Variants in RAB30 observed in about 807,000 individuals in gnomAD.
RAB30 encodes RAB30, member RAS oncogene family, also known as ras-related protein Rab-30.
RAB30 carries 9 observed loss-of-function variants against 25.1 expected under a neutral mutation model. The observed-to-expected ratio is 0.36, with a 90% confidence interval of 0.22 to 0.63. The LOEUF (loss-of-function observed/expected upper bound fraction) is 0.63. RAB30 is among the 20% of genes least tolerant of loss of function. RAB30 has a pLI of 0.69. For synonymous variants in RAB30, 77 were observed against 86.4 expected (o/e 0.89, Z 0.60); for missense variants, 140 against 243.5 (o/e 0.58, Z 2.83).
At chr11:82,986,367 G>T (rs12284549) in intron 4 of RAB30, among the ~76,000 whole-genome samples, 5,238 of 152,198 alleles carry the variant, frequency 0.034, 260 homozygotes, top group African/African-American at 0.11. Context: ...GTAAAATTGT[G>T]TTTTAAGCCA....
chr11:83,055,512 G>A (rs146223605), intron 1 of RAB30, among the ~76,000 whole-genome samples: 1 of 152,208 alleles, frequency 6.6e-6, no homozygotes, highest in South Asian at 2.1e-4. Context: ...TGCGCAGCCA[G>A]ATCTACCCTG....
At chr11:83,064,789 T>C (rs1858657714) in intron 1 of RAB30, among the ~76,000 whole-genome samples, 1 of 152,152 alleles carries the variant, frequency 6.6e-6, no homozygotes, top group South Asian at 2.1e-4. Context: ...ACAAATGGAA[T>C]CATTATCACA....
chr11:82,993,956 T>G, intron 3 of RAB30, 83 bp downstream of exon 3: 1 of 1,105,428 alleles, frequency 9.0e-7, no homozygotes, highest in South Asian at 1.5e-5. Context: ...AATTAGGAGA[T>G]TTAATAAATG....
chr11:83,024,524 C>T (rs1349587125), intron 1 of RAB30, among the ~76,000 whole-genome samples: 1 of 152,104 alleles, frequency 6.6e-6, no homozygotes, highest in East Asian at 1.9e-4. Context: ...ATAACATGTA[C>T]AAAAAATGTA....
At position 83,052,753 on chromosome 11, in the gene RAB30, T is replaced by C. The variant is rs145543348; in HGVS notation, c.-9+18938A>G. On this transcript the variant is annotated intron_variant, in intron 1 of 4. Transcript: ENST00000527633. Reference sequence around the variant, plus strand: ...ACAAGGTCTCTCAGAACTGCAAAGATAGAATCTGGAGCAAATGAGCTGAAG... The same window carrying C: ...ACAAGGTCTCTCAGAACTGCAAAGACAGAATCTGGAGCAAATGAGCTGAAG... 1.6e-3 allele frequency among the ~76,000 whole-genome samples: 236 copies of C among 152,254 alleles called. 1 individual carries two copies. Among genetic ancestry groups the C allele is most frequent in the African/African-American group, 5.4e-3 (223 of 41,546 alleles).
intron 1 of RAB30, among the ~76,000 whole-genome samples, chr11:83,065,839 C>A (rs1220161302): frequency 2.0e-5 from 3 of 152,134 alleles, no homozygotes; most frequent in Admixed American, 2.0e-4. Context: ...TACAAAGAAA[C>A]AGAGGCTCAA....
intron 2 of RAB30, among the ~76,000 whole-genome samples, chr11:82,996,948 C>A (rs1198606784): frequency 6.6e-6 from 1 of 152,198 alleles, no homozygotes; most frequent in Non-Finnish European, 1.5e-5. Flanking sequence ...ATACTGCACA[C>A]TGACAGCAAA....
At chr11:83,040,592 CA>C (rs35973192) in intron 1 of RAB30, among the ~76,000 whole-genome samples, 71,061 of 121,114 alleles carry the variant, frequency 0.59, 17,810 homozygotes, top group African/African-American at 0.69. Context: ...AACTCTGTCT[CA>C]AAAAAAAAAA....
At chr11:83,047,793 C>T (rs1391273676) in intron 1 of RAB30, among the ~76,000 whole-genome samples, 1 of 152,022 alleles carries the variant, frequency 6.6e-6, no homozygotes, top group Non-Finnish European at 1.5e-5. Flanking sequence ...TGATTGCTAA[C>T]AATGAGTTCT....
intron 1 of RAB30, chr11:83,034,877 G>A (rs1210082707): frequency 6.6e-6 from 1 of 152,046 alleles, no homozygotes; most frequent in African/African-American, 2.4e-5. Flanking sequence ...TGAAAGTTCA[G>A]TGTGGGTGAG....
rs1856513804 is a variant in RAB30, at chr11:82,974,793, A to C, written c.*7372T>G. 6.6e-6 allele frequency: 1 copy of C among 152,104 alleles called. No individual in the cohort carries two copies. Among genetic ancestry groups the C allele is most frequent in the African/African-American group, 2.4e-5 (1 of 41,452 alleles). The allele number at this position is 152,104 out of a possible 1,614,324, so 9.4% of individuals were successfully genotyped here. ...ACTAGCTGCTGAGATCTCCAGAATT[A>C]TATATTTTGCATTTTATTTCATCTC... On this transcript the variant is annotated 3_prime_UTR_variant, in exon 5 of 5. Coordinates refer to ENST00000527633, the MANE Select transcript of RAB30 (RefSeq NM_001286060.2).
chr11:82,989,755 A>G (rs1239368180), intron 3 of RAB30, among the ~76,000 whole-genome samples: 1 of 152,222 alleles, frequency 6.6e-6, no homozygotes, highest in Non-Finnish European at 1.5e-5. Flanking sequence ...TTACCTTCTC[A>G]TAGGGGGCTG....
chr11:83,054,954 G>A lies in RAB30; in HGVS notation c.-9+16737C>T, dbSNP rs542685209. Among the ~76,000 whole-genome samples, 9 of 152,284 alleles carry A rather than the reference G, an allele frequency of 5.9e-5. No homozygotes were observed. The East Asian group carries it at 1.2e-3, about 20-fold the overall frequency. ...CAGCAAGAAGATGGCAAGTGGTGGC[G>A]GCCAGGTGCCATTTTGACTGTAGTT... On this transcript the variant is annotated intron_variant, in intron 1 of 4. Coordinates refer to ENST00000527633, the MANE Select transcript of RAB30 (RefSeq NM_001286060.2).
At chr11:83,062,027 A>G (rs911511543) in intron 1 of RAB30, among the ~76,000 whole-genome samples, 2 of 152,120 alleles carry the variant, frequency 1.3e-5, no homozygotes, top group African/African-American at 2.4e-5. Flanking sequence ...AACATGAACC[A>G]TATGAAAGTA....
At chr11:83,027,242 C>A (rs11233430) in intron 1 of RAB30, among the ~76,000 whole-genome samples, 1 of 152,020 alleles carries the variant, frequency 6.6e-6, no homozygotes, top group Non-Finnish European at 1.5e-5. Context: ...CACTGTATTG[C>A]CCTCCCTACT....
Position 83,071,884 on chromosome 11 carries a change from G to C in RAB30, c.-202C>G, listed in dbSNP as rs1045814636. ...GCCCAGCAGCAGCAGGGGGTGGAGA[G>C]ACCGTAGCACAATGAATGCAGTGGG... On this transcript the variant is annotated 5_prime_UTR_variant, in exon 1 of 5. Transcript: ENST00000527633. 5.2e-6 allele frequency: 2 copies of C among 387,312 alleles called. No homozygotes were observed. The highest frequency in any genetic ancestry group is 9.1e-6 in the Non-Finnish European group (2 of 219,512). 24.0% of individuals were successfully genotyped at this position (387,312 alleles called of 1,614,324 possible). A position where few individuals can be genotyped will look rare whatever the true frequency, so the allele number is the denominator to read the frequency against.
intron 1 of RAB30, among the ~76,000 whole-genome samples, chr11:83,014,692 A>AAGAG (rs1367911133): frequency 7.9e-5 from 11 of 138,658 alleles, no homozygotes; most frequent in East Asian, 4.1e-4. Flanking sequence ...GAAAGAAAGA[A>AAGAG]AGAGAAAGGA....
At chr11:83,041,605 C>T (rs1430420576) in intron 1 of RAB30, 2 of 155,924 alleles carry the variant, frequency 1.3e-5, no homozygotes, top group Non-Finnish European at 2.9e-5. Flanking sequence ...GCAGAAAAAT[C>T]AGTCTTACTG....
At chr11:83,038,580 G>A (rs1226196777) in intron 1 of RAB30, among the ~76,000 whole-genome samples, 1 of 152,120 alleles carries the variant, frequency 6.6e-6, no homozygotes, top group Non-Finnish European at 1.5e-5. Flanking sequence ...CAGCACTTTG[G>A]GAGGCCAAGG....
Sources: allele counts gnomAD v4.1 joint callset (sites outside exome capture counted in the v4.1 genomes callset), GRCh38; gene constraint gnomAD v4.1.1; transcripts MANE v1.5; gene names NCBI Gene and HGNC (gene_info 2026-07-23, HGNC 2026-07-21).